The following GPHN variants were observed in gnomAD, a reference collection of about 807,000 sequenced individuals.
The protein encoded by GPHN is gephyrin.
A neutral mutation model predicts 95.5 loss-of-function variants in GPHN; 17 were observed. The observed-to-expected ratio is 0.18, with a 90% CI of 0.12 to 0.27. GPHN has a LOEUF of 0.27. GPHN is among the 10% of genes least tolerant of loss of function. The pLI, the probability that GPHN is intolerant of heterozygous loss-of-function variation, is 1.00. For missense variants in GPHN, 660 were observed against 978.1 expected, an observed-to-expected ratio of 0.67 and a Z score of 4.34; for synonymous variants, 320 against 322.5, an observed-to-expected ratio of 0.99 and a Z score of 0.08.
At chr14:67,550,993 G>C in the GPHN span, among the ~76,000 whole-genome samples, 7 of 152,150 alleles carry the variant, frequency 4.6e-5, no homozygotes, top group African/African-American at 1.4e-4. Flanking sequence ...CAGTGGCCCT[G>C]TTTAGCTACA....
the GPHN span, among the ~76,000 whole-genome samples, chr14:67,620,515 T>G: frequency 6.6e-6 from 1 of 152,104 alleles, no homozygotes; most frequent in East Asian, 1.9e-4. Context: ...ATCCATTCAC[T>G]CAGAATGAGC....
At chr14:66,741,011 A>T (rs2072748873) in intron 2 of GPHN, among the ~76,000 whole-genome samples, 1 of 152,210 alleles carries the variant, frequency 6.6e-6, no homozygotes, top group Admixed American at 6.5e-5. Context: ...AAGAAGGGCA[A>T]GAGAGCATGT....
intron 1 of GPHN, among the ~76,000 whole-genome samples, chr14:66,565,206 G>C (rs1479516813): frequency 6.6e-6 from 1 of 152,126 alleles, no homozygotes; most frequent in Non-Finnish European, 1.5e-5. Context: ...AGGAGAGATA[G>C]GATAGATGGT....
intron 4 of GPHN, 134 bp from the exon 5 acceptor site, chr14:66,879,805 A>C (rs1326880552): frequency 1.4e-6 from 1 of 695,134 alleles, no homozygotes; most frequent in African/African-American, 1.8e-5. Flanking sequence ...CCTCAAAAAG[A>C]TAAATGTTTC....
At chr14:67,163,697 A>G (rs1478086643) in intron 19 of GPHN, among the ~76,000 whole-genome samples, 1 of 152,184 alleles carries the variant, frequency 6.6e-6, no homozygotes, top group African/African-American at 2.4e-5. Flanking sequence ...TGAAAGATCA[A>G]CCTCCAAAAA....
At chr14:66,592,100 A>G (rs1487994712) in intron 1 of GPHN, among the ~76,000 whole-genome samples, 2 of 152,234 alleles carry the variant, frequency 1.3e-5, no homozygotes, top group African/African-American at 2.4e-5. Flanking sequence ...GGCTAGCCAT[A>G]TGCATAAAAG....
intron 2 of GPHN, among the ~76,000 whole-genome samples, chr14:66,709,755 A>G (rs747400836): frequency 2.0e-5 from 3 of 152,142 alleles, no homozygotes; most frequent in Admixed American, 1.3e-4. Context: ...CACAGACCTA[A>G]TTTTATGTTT....
chr14:67,061,401 T>G (rs761333944), intron 11 of GPHN, among the ~76,000 whole-genome samples: 11 of 152,112 alleles, frequency 7.2e-5, no homozygotes, highest in Middle Eastern at 3.2e-3. Flanking sequence ...CCAGTTAACA[T>G]CTTCCCAATC....
chr14:66,702,157 C>A (rs1489799730), intron 2 of GPHN, among the ~76,000 whole-genome samples: 1 of 152,236 alleles, frequency 6.6e-6, no homozygotes, highest in Non-Finnish European at 1.5e-5. Context: ...TGGGCTTGAA[C>A]CCCTAGGGGA....
the GPHN span, among the ~76,000 whole-genome samples, chr14:67,477,537 C>T: frequency 6.6e-6 from 1 of 152,158 alleles, no homozygotes; most frequent in African/African-American, 2.4e-5. Context: ...CTGTCCCCGG[C>T]CAGACCTCTT....
chr14:67,695,024 C>T, the GPHN span, among the ~76,000 whole-genome samples: 1 of 152,184 alleles, frequency 6.6e-6, no homozygotes, highest in Non-Finnish European at 1.5e-5. Flanking sequence ...CAGCCCTCAC[C>T]GCCCCAGTAC....
the GPHN span, among the ~76,000 whole-genome samples, chr14:67,214,774 G>A: frequency 3.9e-5 from 6 of 152,084 alleles, no homozygotes; most frequent in East Asian, 1.9e-4. Context: ...CCATTTTCAC[G>A]ATATTGATTC....
the GPHN span, chr14:67,302,065 G>C: frequency 6.2e-7 from 1 of 1,609,218 alleles, no homozygotes; most frequent in Middle Eastern, 1.7e-4. Context: ...TGGCCAGTAT[G>C]GAGGAGAAAC....
At chr14:67,687,672 T>C in the GPHN span, among the ~76,000 whole-genome samples, 122 of 152,072 alleles carry the variant, frequency 8.0e-4, 2 homozygotes, top group Non-Finnish European at 1.2e-4. Context: ...GGTTTCTCCA[T>C]GTTGGTCAGG....
chr14:66,584,427 G>A (rs375061856), intron 1 of GPHN, among the ~76,000 whole-genome samples: 1 of 152,076 alleles, frequency 6.6e-6, no homozygotes. Context: ...ACACTATGTT[G>A]AATAGGAGTG....
the GPHN span, chr14:67,593,647 T>A: frequency 5.8e-6 from 4 of 689,078 alleles, no homozygotes; most frequent in African/African-American, 1.8e-5. Flanking sequence ...TAAATATAAG[T>A]CTCACTTTTA....
chr14:67,072,081 G>A lies in GPHN; in HGVS notation c.1144+13295G>A, dbSNP rs1192424001. On this transcript the variant is annotated intron_variant, in intron 11 of 22. Coordinates refer to ENST00000478722, the MANE Select transcript of GPHN (RefSeq NM_020806.5). Reference sequence around the variant, plus strand: ...TTTCTATATACATGTCTTATTTGCTGTAGTTTATCTTGCAATTTTTAAATT... The same window carrying A: ...TTTCTATATACATGTCTTATTTGCTATAGTTTATCTTGCAATTTTTAAATT... Among the ~76,000 whole-genome samples, 6 of 152,038 alleles carry A rather than the reference G, an allele frequency of 3.9e-5. No individual in the cohort carries two copies. In the East Asian group the frequency reaches 1.2e-3, roughly 29 times the overall value.
chr14:67,120,889 T>C (rs185314760), intron 16 of GPHN, among the ~76,000 whole-genome samples: 1 of 152,320 alleles, frequency 6.6e-6, no homozygotes, highest in Non-Finnish European at 1.5e-5. Context: ...CTGGTGACAC[T>C]GAATAAGATG....
the GPHN span, among the ~76,000 whole-genome samples, chr14:67,318,721 T>A: frequency 1.5e-4 from 23 of 152,340 alleles, no homozygotes; most frequent in African/African-American, 5.3e-4. Context: ...CTATATGATG[T>A]TGTTCTCACA....
Sources: gnomAD v4.1 joint callset for allele counts (sites outside exome capture counted in the v4.1 genomes callset) on GRCh38, gnomAD v4.1.1 for gene constraint, MANE v1.5 for transcripts, NCBI Gene and HGNC (gene_info 2026-07-23, HGNC 2026-07-21) for gene names.